The following UBAC2 variants were observed in gnomAD, a reference collection of about 807,000 sequenced individuals.
The protein encoded by UBAC2 is ubiquitin-associated domain-containing protein 2.
Under a neutral mutation model 44.0 loss-of-function variants are expected in UBAC2, and 26 were observed. The observed-to-expected ratio is 0.59, with a 90% CI of 0.43 to 0.82. The LOEUF (loss-of-function observed/expected upper bound fraction) is 0.82. UBAC2 is among the 40% of genes least tolerant of loss of function. The probability of loss-of-function intolerance (pLI) is 0.00; values close to 1 mark genes in which losing one functional copy is unlikely to be tolerated. For missense variants in UBAC2, 329 were observed against 419.4 expected (o/e 0.78, Z 1.88); for synonymous variants, 155 against 154.3 (o/e 1.00, Z -0.04).
rs1020502032 is a variant in UBAC2, at chr13:99,329,303, A to G, written c.562-11017A>G. On this transcript the variant is annotated intron_variant, in intron 6 of 8. Coordinates refer to ENST00000403766, the MANE Select transcript of UBAC2 (RefSeq NM_001144072.2). ...ACTGACTTTTAATATACACTCTACA[A>G]TCAGCCTGTAATTTCTTCAAAAAAA... is the stretch of plus-strand genomic sequence containing the variant. Among the ~76,000 whole-genome samples the G allele has an allele frequency of 3.9e-5, 6 of 152,274 alleles. No homozygotes were observed. The South Asian group carries it at 1.0e-3, about 26-fold the overall frequency.
At chr13:99,304,754 G>A (rs555596705) in intron 4 of UBAC2, among the ~76,000 whole-genome samples, 2 of 152,300 alleles carry the variant, frequency 1.3e-5, no homozygotes, top group South Asian at 4.1e-4. Context: ...GGGCACTTAA[G>A]TGACCAAAGA....
At chr13:99,228,970 C>T (rs1267000859) in intron 1 of UBAC2, among the ~76,000 whole-genome samples, 1 of 152,212 alleles carries the variant, frequency 6.6e-6, no homozygotes, top group Admixed American at 6.5e-5. Context: ...CAGGGAATTT[C>T]TTATGAATAA....
At chr13:99,288,682 T>A (rs1415516448) in intron 4 of UBAC2, among the ~76,000 whole-genome samples, 1 of 152,220 alleles carries the variant, frequency 6.6e-6, no homozygotes, top group Non-Finnish European at 1.5e-5. Flanking sequence ...TCCTGACTGA[T>A]TTAAATGTCA....
At chr13:99,301,637 G>A (rs1386386132) in intron 4 of UBAC2, among the ~76,000 whole-genome samples, 1 of 151,162 alleles carries the variant, frequency 6.6e-6, no homozygotes, top group South Asian at 2.1e-4. Context: ...CTTTCTAGCC[G>A]CAAAAGGAAA....
chr13:99,351,952 G>A lies in UBAC2; in HGVS notation c.807+11387G>A, dbSNP rs1311757659. On this transcript the variant is annotated intron_variant, in intron 7 of 8. Coordinates refer to ENST00000403766, the MANE Select transcript of UBAC2 (RefSeq NM_001144072.2). ...ACACGTGCTTTCAGTTACTTTCGCA[G>A]CATTTGGTTAAAGTGAGTTTAGCTG... The A allele has an allele frequency of 1.1e-5, 4 of 349,880 alleles. No homozygotes were observed. The East Asian group carries it at 3.0e-4, about 26-fold the overall frequency. 21.7% of individuals were successfully genotyped at this position (349,880 alleles called of 1,614,324 possible). A position where few individuals can be genotyped will look rare whatever the true frequency, so the allele number is the denominator to read the frequency against.
intron 1 of UBAC2, among the ~76,000 whole-genome samples, chr13:99,204,810 T>C (rs2142635826): frequency 6.6e-6 from 1 of 151,874 alleles, no homozygotes; most frequent in Middle Eastern, 3.4e-3. Context: ...GACAGTGAGC[T>C]TGGAAAGTGC....
chr13:99,263,368 A>G (rs2043695740), intron 4 of UBAC2, among the ~76,000 whole-genome samples: 1 of 152,210 alleles, frequency 6.6e-6, no homozygotes, highest in South Asian at 2.1e-4. Context: ...GCACTTAAGA[A>G]TGAGTAGATC....
At chr13:99,355,444 G>C (rs1372678339) in intron 7 of UBAC2, among the ~76,000 whole-genome samples, 1 of 152,206 alleles carries the variant, frequency 6.6e-6, no homozygotes, top group Non-Finnish European at 1.5e-5. Flanking sequence ...GAGGGAGTGA[G>C]GAAGCTGCAA....
At chr13:99,238,159 A>G (rs1055674741) in intron 1 of UBAC2, among the ~76,000 whole-genome samples, 1 of 152,188 alleles carries the variant, frequency 6.6e-6, no homozygotes, top group African/African-American at 2.4e-5. Context: ...AAGGTGTTCT[A>G]TGGAAGTTCT....
chr13:99,201,356 C>A, intron 1 of UBAC2: 1 of 1,562,972 alleles, frequency 6.4e-7, no homozygotes, highest in Admixed American at 1.9e-5. Context: ...CTCCCCCCGC[C>A]CCCACTTGCA....
intron 4 of UBAC2, among the ~76,000 whole-genome samples, chr13:99,289,898 G>A (rs1377511632): frequency 6.6e-6 from 1 of 152,140 alleles, no homozygotes; most frequent in South Asian, 2.1e-4. Context: ...TGACACACGC[G>A]TCTTTTGCCC....
At chr13:99,242,194 C>A (rs1278344037) in intron 2 of UBAC2, among the ~76,000 whole-genome samples, 4 of 151,854 alleles carry the variant, frequency 2.6e-5, no homozygotes, top group African/African-American at 9.7e-5. Flanking sequence ...ACCTTTCCCC[C>A]CCTTCTATTC....
In UBAC2 at chr13:99,216,082, T is replaced by TG. The variant is rs1566450747; in HGVS notation, c.31+15143_31+15144insG. ...CAATTACTTTTGTACCAACCTATAT[T>TG]TGTGTGTGTGTGTGTGTGTGTGTGT... On this transcript the variant is annotated intron_variant, in intron 1 of 8. Coordinates refer to ENST00000403766, the MANE Select transcript of UBAC2 (RefSeq NM_001144072.2). 5.3e-3 allele frequency among the ~76,000 whole-genome samples: 789 copies of TG among 148,848 alleles called. 6 individuals are homozygous for TG. Among genetic ancestry groups the TG allele is most frequent in the East Asian group, 0.02 (104 of 5,090 alleles).
intron 4 of UBAC2, among the ~76,000 whole-genome samples, chr13:99,305,623 A>G (rs1434292156): frequency 2.6e-5 from 4 of 152,240 alleles, no homozygotes; most frequent in African/African-American, 9.6e-5. Flanking sequence ...CTGAGTTAAT[A>G]TTTATTCCAT....
intron 2 of UBAC2, among the ~76,000 whole-genome samples, chr13:99,239,508 C>T (rs1286944478): frequency 3.3e-5 from 5 of 152,194 alleles, no homozygotes; most frequent in African/African-American, 1.2e-4. Context: ...CTGGGCATTG[C>T]TGTACATTTA....
At chr13:99,243,749 G>C in intron 2 of UBAC2, 83 bp from the exon 3 acceptor site, 1 of 1,269,752 alleles carries the variant, frequency 7.9e-7, no homozygotes, top group Non-Finnish European at 1.1e-6. Context: ...AAAATAGGCA[G>C]TGTAAACATA....
chr13:99,244,646 A>T (rs765991691), intron 4 of UBAC2, 22 bp downstream of exon 4: 1 of 1,432,294 alleles, frequency 7.0e-7, no homozygotes, highest in Non-Finnish European at 9.8e-7. Context: ...TTAAAGATTG[A>T]CTTAATTTAG....
At chr13:99,213,370 G>GT (rs940897653) in intron 1 of UBAC2, among the ~76,000 whole-genome samples, 10 of 149,888 alleles carry the variant, frequency 6.7e-5, no homozygotes, top group Non-Finnish European at 1.2e-4. Flanking sequence ...CTTTTTTTTT[G>GT]TTTTTTTTGA....
intron 7 of UBAC2, among the ~76,000 whole-genome samples, chr13:99,358,617 G>A (rs147776560): frequency 3.8e-4 from 58 of 152,314 alleles, no homozygotes; most frequent in African/African-American, 1.3e-3. Flanking sequence ...CCAGCAAAGG[G>A]TTTCTAAGTA....
Sources: allele counts gnomAD v4.1 joint callset (sites outside exome capture counted in the v4.1 genomes callset), GRCh38; gene constraint gnomAD v4.1.1; transcripts MANE v1.5; gene names NCBI Gene and HGNC (gene_info 2026-07-23, HGNC 2026-07-21).